Variants in VPS35L observed in about 807,000 individuals in gnomAD.
The protein encoded by VPS35L is VPS35 endosomal protein sorting factor like.
Under a neutral mutation model 133.0 loss-of-function variants are expected in VPS35L, and 83 were observed. The observed-to-expected ratio is 0.62, with a 90% confidence interval of 0.52 to 0.75. The LOEUF (loss-of-function observed/expected upper bound fraction) is 0.75. Ranked by LOEUF, VPS35L falls within the 30% of genes least tolerant of loss-of-function variation. VPS35L has a pLI of 0.00. For synonymous variants in VPS35L, 423 were observed against 449.9 expected (o/e 0.94, Z 0.76); for missense variants, 1,083 against 1,206.8 (o/e 0.90, Z 1.52).
At chr16:19,579,400 A>G (rs1443571465) in intron 6 of VPS35L, 7 of 342,658 alleles carry the variant, frequency 2.0e-5, no homozygotes, top group Non-Finnish European at 3.2e-5. Flanking sequence ...TCTAATGGTA[A>G]AAACCAACTG....
chr16:19,647,969 T>G, intron 24 of VPS35L, 87 bp downstream of exon 24: 1 of 1,262,378 alleles, frequency 7.9e-7, no homozygotes, highest in Non-Finnish European at 1.2e-6. Context: ...TTTTATTTTA[T>G]TAGAGACAGG....
rs558560688 is a variant in VPS35L, at chr16:19,560,192, C to T, written c.17+4446C>T. On this transcript the variant is annotated intron_variant, in intron 1 of 30. Transcript: ENST00000417362. Reference sequence around the variant, plus strand: ...CGACAAGTTACCAACATTCTAACAGCCTCAGCTTCTTCATCTGAAAAATCG... The same window carrying T: ...CGACAAGTTACCAACATTCTAACAGTCTCAGCTTCTTCATCTGAAAAATCG... 6.6e-5 allele frequency among the ~76,000 whole-genome samples: 10 copies of T among 152,350 alleles called. No homozygotes were observed. In the South Asian group the frequency reaches 1.4e-3, roughly 22 times the overall value.
intron 3 of VPS35L, among the ~76,000 whole-genome samples, chr16:19,570,866 TATATATATATA>T (rs1567388559): frequency 3.4e-5 from 3 of 88,078 alleles, no homozygotes; most frequent in African/African-American, 1.7e-4. Context: ...TATATATATA[TATATATATATA>T]TATATATATA....
intron 14 of VPS35L, among the ~76,000 whole-genome samples, chr16:19,620,286 C>T (rs1973035309): frequency 6.6e-6 from 1 of 152,106 alleles, no homozygotes; most frequent in African/African-American, 2.4e-5. Context: ...TCTCCAACTC[C>T]ATATATATTG....
chr16:19,647,933 A>T (rs1974004315), intron 24 of VPS35L, 51 bp downstream of exon 24: 10 of 1,394,494 alleles, frequency 7.2e-6, no homozygotes, highest in Non-Finnish European at 1.0e-5. Context: ...TTTATTGATC[A>T]TCTACATCCC....
chr16:19,690,867 G>A (rs1189909131), intron 28 of VPS35L, among the ~76,000 whole-genome samples: 1 of 152,110 alleles, frequency 6.6e-6, no homozygotes, highest in South Asian at 2.1e-4. Flanking sequence ...AGAGGCTGAG[G>A]CAGGAGGACT....
At chr16:19,578,708 C>A (rs1971614354) in intron 5 of VPS35L, 1 of 332,668 alleles carries the variant, frequency 3.0e-6, no homozygotes, top group South Asian at 2.7e-5. Flanking sequence ...GCCTTTTGTT[C>A]ATAGAAAACA....
chr16:19,682,290 C>T lies in VPS35L; in HGVS notation c.2427C>T (p.Thr809=), dbSNP rs750966079. 6.2e-7 allele frequency: 1 copy of T among 1,614,114 alleles called. No individual in the cohort carries two copies. The highest frequency in any genetic ancestry group is 8.5e-7 in the Non-Finnish European group (1 of 1,180,028). The change falls in exon 28 of 31, where the codon ACC becomes ACT. Residue 809 remains threonine (T), a synonymous_variant. Transcript: ENST00000417362. ...RELLNVIQDY[T]WEDNSDEKIR... The stretch of plus-strand genomic sequence containing the variant: ...TTCTCAACGTGATCCAGGACTACAC[C>T]TGGGAGGACAACAGCGATGAGAAAA...
intron 1 of VPS35L, among the ~76,000 whole-genome samples, chr16:19,559,230 T>C (rs1318054987): frequency 6.6e-6 from 1 of 152,240 alleles, no homozygotes; most frequent in Non-Finnish European, 1.5e-5. Flanking sequence ...TTAATGTGCA[T>C]ATAAACCACC....
intron 21 of VPS35L, among the ~76,000 whole-genome samples, chr16:19,640,750 T>G (rs1444903421): frequency 6.6e-6 from 1 of 152,194 alleles, no homozygotes; most frequent in African/African-American, 2.4e-5. Flanking sequence ...AAAAGGTGTT[T>G]TTGTTTTTGT....
chr16:19,560,217 G>A (rs951122611), intron 1 of VPS35L, among the ~76,000 whole-genome samples: 2 of 152,018 alleles, frequency 1.3e-5, no homozygotes, highest in African/African-American at 4.8e-5. Context: ...CTGAAAAATC[G>A]GCTTAGTACC....
intron 8 of VPS35L, among the ~76,000 whole-genome samples, chr16:19,600,766 G>T (rs1275345217): frequency 6.6e-6 from 1 of 152,216 alleles, no homozygotes; most frequent in Non-Finnish European, 1.5e-5. Flanking sequence ...GACAGTAGGG[G>T]GTGGTTGAGA....
At chr16:19,673,119 G>A (rs531243617) in intron 27 of VPS35L, among the ~76,000 whole-genome samples, 4 of 152,330 alleles carry the variant, frequency 2.6e-5, no homozygotes, top group Admixed American at 1.3e-4. Context: ...ACTCCTGTGA[G>A]GGTTAAATGA....
intron 18 of VPS35L, among the ~76,000 whole-genome samples, chr16:19,631,775 C>T (rs909357311): frequency 8.5e-5 from 13 of 152,128 alleles, no homozygotes; most frequent in African/African-American, 3.1e-4. Flanking sequence ...GTGGTGCAAT[C>T]GTCACTCACT....
intron 3 of VPS35L, among the ~76,000 whole-genome samples, chr16:19,570,864 TATATATATATATATATATATATATA>T (rs1567388544): frequency 1.2e-5 from 1 of 86,218 alleles, no homozygotes; most frequent in African/African-American, 5.8e-5. Flanking sequence ...TATATATATA[TATATATATATATATATATATATATA>T]TTTTTGAGAT....
chr16:19,578,801 T>A, intron 5 of VPS35L: 2 of 517,618 alleles, frequency 3.9e-6, no homozygotes, highest in Admixed American at 6.4e-5. Flanking sequence ...AGTTTGTAAA[T>A]CTCAAATGCA....
At chr16:19,665,203 A>G (rs1356034855) in intron 26 of VPS35L, among the ~76,000 whole-genome samples, 1 of 152,194 alleles carries the variant, frequency 6.6e-6, no homozygotes, top group African/African-American at 2.4e-5. Flanking sequence ...TCTTTCAGTT[A>G]TTTTTAAATG....
chr16:19,576,725 A>T (rs1381556531), intron 5 of VPS35L, among the ~76,000 whole-genome samples: 1 of 150,198 alleles, frequency 6.7e-6, no homozygotes, highest in Non-Finnish European at 1.5e-5. Context: ...CAGCTTTGTT[A>T]TGCATAGAAT....
intron 28 of VPS35L, among the ~76,000 whole-genome samples, chr16:19,688,364 T>C (rs947634268): frequency 3.3e-5 from 5 of 152,174 alleles, no homozygotes; most frequent in African/African-American, 1.2e-4. Context: ...GTTCTTTCAA[T>C]GGGGCGAGAA....
Sources: gnomAD v4.1 joint callset for allele counts (sites outside exome capture counted in the v4.1 genomes callset) on GRCh38, gnomAD v4.1.1 for gene constraint, MANE v1.5 for transcripts, NCBI Gene and HGNC (gene_info 2026-07-23, HGNC 2026-07-21) for gene names.